The following RPH3A variants were observed in gnomAD, a reference collection of about 807,000 sequenced individuals.
RPH3A encodes rabphilin-3A.
In RPH3A, 48 loss-of-function variants were observed where a neutral mutation model predicts 102.2. That is an observed-to-expected ratio of 0.47 (90% CI 0.37 to 0.60). The LOEUF (loss-of-function observed/expected upper bound fraction) is 0.60. RPH3A is among the 20% of genes least tolerant of loss of function. RPH3A has a pLI of 0.00. For missense variants in RPH3A, 781 were observed against 910.1 expected (o/e 0.86, Z 1.83); for synonymous variants, 310 against 324.3 (o/e 0.96, Z 0.47).
intron 1 of RPH3A, among the ~76,000 whole-genome samples, chr12:112,629,457 C>T (rs1181657946): frequency 1.4e-5 from 2 of 143,874 alleles, no homozygotes; most frequent in African/African-American, 5.3e-5. Flanking sequence ...TAGGGGAATG[C>T]ACTTTGCATT....
At chr12:112,758,590 T>C (rs2040835579) in intron 1 of RPH3A, among the ~76,000 whole-genome samples, 1 of 152,240 alleles carries the variant, frequency 6.6e-6, no homozygotes, top group Admixed American at 6.5e-5. Context: ...ATTCTCACAA[T>C]ATCCCTATGG....
intron 13 of RPH3A, among the ~76,000 whole-genome samples, chr12:112,877,656 C>A (rs1421542434): frequency 2.0e-5 from 3 of 152,194 alleles, no homozygotes; most frequent in Non-Finnish European, 4.4e-5. Flanking sequence ...ACGGCCTTGA[C>A]CTGCCATGTC....
chr12:112,883,058 G>A (rs939006925), intron 15 of RPH3A, among the ~76,000 whole-genome samples: 3 of 152,110 alleles, frequency 2.0e-5, no homozygotes, highest in Non-Finnish European at 1.5e-5. Flanking sequence ...CAAGGAGGAG[G>A]CTTAGTGCAT....
intron 5 of RPH3A, chr12:112,850,650 T>C (rs2042307913): frequency 6.6e-6 from 1 of 152,238 alleles, no homozygotes; most frequent in African/African-American, 2.4e-5. Flanking sequence ...ATGCTATTTG[T>C]GTCTTATAAA....
chr12:112,860,451 C>A (rs1004130071), intron 5 of RPH3A, among the ~76,000 whole-genome samples: 2 of 152,112 alleles, frequency 1.3e-5, no homozygotes, highest in African/African-American at 4.8e-5. Flanking sequence ...GTTCATGAGG[C>A]CTTTTGGCGT....
intron 1 of RPH3A, among the ~76,000 whole-genome samples, chr12:112,775,787 G>A (rs1323020835): frequency 6.6e-6 from 1 of 152,208 alleles, no homozygotes; most frequent in Non-Finnish European, 1.5e-5. Flanking sequence ...TGGGGCAGTG[G>A]TGGTAGGGGG....
At chr12:112,631,080 G>A (rs2039800565) in intron 1 of RPH3A, among the ~76,000 whole-genome samples, 1 of 152,120 alleles carries the variant, frequency 6.6e-6, no homozygotes, top group Non-Finnish European at 1.5e-5. Flanking sequence ...TATCTGTAGA[G>A]TTTTTACAGG....
chr12:112,805,241 T>G (rs1194428454), intron 2 of RPH3A, among the ~76,000 whole-genome samples: 1 of 152,082 alleles, frequency 6.6e-6, no homozygotes, highest in Admixed American at 6.6e-5. Flanking sequence ...TCTGAGAAAT[T>G]CAAATGTCTG....
At chr12:112,671,537 A>G (rs2040130125) in intron 1 of RPH3A, among the ~76,000 whole-genome samples, 1 of 152,232 alleles carries the variant, frequency 6.6e-6, no homozygotes. Context: ...TCTCATGGCT[A>G]CAGCTAGCTA....
At chr12:112,673,553 C>A (rs931254263) in intron 1 of RPH3A, among the ~76,000 whole-genome samples, 1 of 150,522 alleles carries the variant, frequency 6.6e-6, no homozygotes, top group Non-Finnish European at 1.5e-5. Context: ...AAAAAAAATC[C>A]GTGGGTACAT....
chr12:112,724,052 A>ATTTTTTTTTT (rs146271090), intron 1 of RPH3A, among the ~76,000 whole-genome samples: 6 of 117,310 alleles, frequency 5.1e-5, no homozygotes, highest in Admixed American at 9.5e-5. Flanking sequence ...AATTTTTTTG[A>ATTTTTTTTTT]TTTTTTTTTT....
At chr12:112,597,955 A>G (rs746562727) in intron 1 of RPH3A, among the ~76,000 whole-genome samples, 3 of 152,198 alleles carry the variant, frequency 2.0e-5, no homozygotes, top group South Asian at 2.1e-4. Flanking sequence ...TGATTGTCCA[A>G]TTGACTGTGA....
At chr12:112,836,468 C>G in intron 3 of RPH3A, 23 bp from the exon 4 acceptor site, 1 of 1,326,202 alleles carries the variant, frequency 7.5e-7, no homozygotes, top group Non-Finnish European at 1.0e-6. Flanking sequence ...TTTTCTTTCT[C>G]TCCTTTCTCT....
At chr12:112,672,642 G>C (rs118053790) in intron 1 of RPH3A, among the ~76,000 whole-genome samples, 1 of 152,278 alleles carries the variant, frequency 6.6e-6, no homozygotes, top group East Asian at 1.9e-4. Flanking sequence ...TGTCCTCCCT[G>C]TGGGCTTCAG....
At chr12:112,713,333 T>G (rs923919939) in intron 1 of RPH3A, among the ~76,000 whole-genome samples, 2 of 152,076 alleles carry the variant, frequency 1.3e-5, no homozygotes, top group African/African-American at 4.8e-5. Context: ...GCAACTAGCT[T>G]TTTTCACTCA....
At position 112,725,250 on chromosome 12, in the gene RPH3A, G is replaced by GAAAAA. The variant is rs35952537; in HGVS notation, c.-139-66868_-139-66864dup. The stretch of plus-strand genomic sequence containing the variant: ...GGTGACAGAGCAAGACTTTGTCTCA[G>GAAAAA]AAAAAAAAAAAAAAAAAAAAAAAAA... On this transcript the variant is annotated intron_variant, in intron 1 of 21. Coordinates refer to the RPH3A transcript ENST00000543106. 6.3e-5 allele frequency among the ~76,000 whole-genome samples: 4 copies of GAAAAA among 63,054 alleles called. 1 individual carries two copies. The highest frequency in any genetic ancestry group is 1.1e-4 in the African/African-American group (2 of 17,714). The allele number at this position is 63,054 out of a possible 152,430, so 41.4% of individuals were successfully genotyped here.
At chr12:112,862,111 T>A (rs924216401) in intron 5 of RPH3A, among the ~76,000 whole-genome samples, 4 of 151,436 alleles carry the variant, frequency 2.6e-5, no homozygotes, top group African/African-American at 4.9e-5. Flanking sequence ...TTTGAGACCA[T>A]GAGTTTGAGA....
intron 2 of RPH3A, among the ~76,000 whole-genome samples, chr12:112,796,883 C>G (rs1040590316): frequency 6.6e-6 from 1 of 152,118 alleles, no homozygotes; most frequent in African/African-American, 2.4e-5. Context: ...ATCCCAGTCT[C>G]TACTAAAAAT....
chr12:112,870,525 G>T (rs568415855), intron 10 of RPH3A, among the ~76,000 whole-genome samples: 1 of 152,088 alleles, frequency 6.6e-6, no homozygotes, highest in Non-Finnish European at 1.5e-5. Flanking sequence ...GGTTTATTTG[G>T]TAAGAGTGCC....
Sources: allele counts gnomAD v4.1 joint callset (sites outside exome capture counted in the v4.1 genomes callset), GRCh38; gene constraint gnomAD v4.1.1; transcripts MANE v1.5; gene names NCBI Gene and HGNC (gene_info 2026-07-23, HGNC 2026-07-21).